APP: variants seen among roughly 807,000 people sequenced by gnomAD.
APP encodes amyloid beta precursor protein.
APP carries 31 observed loss-of-function variants against 101.4 expected under a neutral mutation model. The observed-to-expected ratio is 0.31, with a 90% confidence interval of 0.23 to 0.41. The LOEUF (loss-of-function observed/expected upper bound fraction) is 0.41. Ranked by LOEUF, APP falls within the 10% of genes least tolerant of loss-of-function variation. The pLI, the probability that APP is intolerant of heterozygous loss-of-function variation, is 1.00. For synonymous variants in APP, 366 were observed against 364.4 expected, an observed-to-expected ratio of 1.00 and a Z score of -0.05; for missense variants, 839 against 1,003.7, an observed-to-expected ratio of 0.84 and a Z score of 2.22.
intron 3 of APP, among the ~76,000 whole-genome samples, chr21:26,071,319 G>A (rs972874086): frequency 6.6e-6 from 1 of 152,082 alleles, no homozygotes; most frequent in Non-Finnish European, 1.5e-5. Flanking sequence ...TTCCAGGTCA[G>A]CAATCCAAAG....
intron 10 of APP, among the ~76,000 whole-genome samples, 172 bp downstream of exon 10, chr21:25,975,782 T>C (rs1435660637): frequency 1.3e-5 from 2 of 152,206 alleles, no homozygotes; most frequent in Admixed American, 6.5e-5. Context: ...GGAGCAAATA[T>C]AAGGCAGGAT....
intron 4 of APP, 107 bp downstream of exon 4, chr21:26,053,129 A>T: frequency 2.2e-6 from 2 of 891,248 alleles, no homozygotes. Context: ...TTTTTTCTTA[A>T]ATAACTTATC....
chr21:26,053,527 T>C (rs1393888483), intron 3 of APP, 179 bp from the exon 4 acceptor site: 1 of 542,700 alleles, frequency 1.8e-6, no homozygotes, highest in African/African-American at 1.9e-5. Context: ...AGCAACTCCG[T>C]TTCTTGCCAC....
At position 26,125,276 on chromosome 21, in the gene APP, T is replaced by A; in HGVS notation, c.58-13130A>T. Among the ~76,000 whole-genome samples, 2 of 152,178 alleles carry A rather than the reference T, an allele frequency of 1.3e-5. 1 individual carries two copies. The highest frequency in any genetic ancestry group is 2.9e-5 in the Non-Finnish European group (2 of 68,028). On this transcript the variant is annotated intron_variant, in intron 1 of 17. Coordinates refer to ENST00000346798, the MANE Select transcript of APP (RefSeq NM_000484.4). Reference sequence around the variant, plus strand: ...GGATGCGGGGGCCCCAGGACAACTTTCGTGGGCCTCTTTCTCTCTTAAAAA... The same window carrying A: ...GGATGCGGGGGCCCCAGGACAACTTACGTGGGCCTCTTTCTCTCTTAAAAA...
chr21:26,125,089 G>T lies in APP; in HGVS notation c.58-12943C>A, dbSNP rs564858921. On this transcript the variant is annotated intron_variant, in intron 1 of 17. Coordinates refer to ENST00000346798, the MANE Select transcript of APP (RefSeq NM_000484.4). ...GGAAGGCAGACCAAAGATCAGAGCAGAAAACATGCCCAGGCTGAGTATGGG... is the reference window on the plus strand; with the variant it reads ...GGAAGGCAGACCAAAGATCAGAGCATAAAACATGCCCAGGCTGAGTATGGG... 5.3e-5 allele frequency among the ~76,000 whole-genome samples: 8 copies of T among 152,324 alleles called. No individual in the cohort carries two copies. In the South Asian group the frequency reaches 1.7e-3, roughly 32 times the overall value.
intron 2 of APP, among the ~76,000 whole-genome samples, chr21:26,103,576 G>A (rs1049314802): frequency 2.0e-5 from 3 of 152,112 alleles, no homozygotes; most frequent in African/African-American, 7.2e-5. Context: ...ACTCCAGCCT[G>A]GGCGATGGAG....
intron 17 of APP, 32 bp from the exon 18 acceptor site, chr21:25,881,803 T>TA: frequency 1.3e-6 from 2 of 1,594,988 alleles, no homozygotes; most frequent in Non-Finnish European, 1.7e-6. Flanking sequence ...GAGTAAAAAA[T>TA]AAAAATCAAT....
intron 8 of APP, among the ~76,000 whole-genome samples, chr21:25,989,317 C>A (rs563625325): frequency 2.0e-5 from 3 of 152,130 alleles, no homozygotes; most frequent in Non-Finnish European, 4.4e-5. Flanking sequence ...GTAATCATTG[C>A]GGAGCACTCC....
At chr21:26,078,829 A>C (rs1206821395) in intron 3 of APP, among the ~76,000 whole-genome samples, 1 of 152,156 alleles carries the variant, frequency 6.6e-6, no homozygotes, top group Non-Finnish European at 1.5e-5. Flanking sequence ...GGATCACCTG[A>C]GGTCGGGAGC....
At chr21:26,141,054 A>G (rs560465686) in intron 1 of APP, among the ~76,000 whole-genome samples, 2 of 152,226 alleles carry the variant, frequency 1.3e-5, no homozygotes, top group African/African-American at 4.8e-5. Flanking sequence ...TGGAGTATCT[A>G]TCTCATGGAG....
intron 13 of APP, among the ~76,000 whole-genome samples, chr21:25,918,674 G>A (rs988074524): frequency 2.6e-5 from 4 of 151,706 alleles, no homozygotes; most frequent in African/African-American, 4.8e-5. Flanking sequence ...TTTTCAGACC[G>A]GCTTAAGAAA....
Position 26,021,231 on chromosome 21 carries a change from A to G in APP, c.865+609T>C, listed in dbSNP as rs2044323278. 1.3e-5 allele frequency among the ~76,000 whole-genome samples: 2 copies of G among 151,970 alleles called. 1 individual carries two copies. The highest frequency in any genetic ancestry group is 4.2e-4 in the South Asian group (2 of 4,810). ...CCTGGCTCATTTTTGTATTTTTAGT[A>G]GAGATGGGTTTTCACCATGTTGGCC... On this transcript the variant is annotated intron_variant, in intron 6 of 17. Coordinates refer to ENST00000346798, the MANE Select transcript of APP (RefSeq NM_000484.4).
At chr21:26,108,218 A>C (rs540674051) in intron 2 of APP, among the ~76,000 whole-genome samples, 1 of 152,358 alleles carries the variant, frequency 6.6e-6, no homozygotes, top group South Asian at 2.1e-4. Context: ...AAAAGAAACA[A>C]GTGAAATCAA....
intron 3 of APP, among the ~76,000 whole-genome samples, chr21:26,072,890 A>G (rs2061433104): frequency 6.6e-6 from 1 of 152,232 alleles, no homozygotes; most frequent in South Asian, 2.1e-4. Context: ...GAAAAATGGA[A>G]TAACAGACAT....
intron 1 of APP, among the ~76,000 whole-genome samples, chr21:26,148,989 G>C (rs1199574079): frequency 6.6e-6 from 1 of 152,134 alleles, no homozygotes; most frequent in Non-Finnish European, 1.5e-5. Context: ...TCCTTCACTT[G>C]GGATTGAGAA....
chr21:25,993,050 T>C (rs1010103693), intron 8 of APP, among the ~76,000 whole-genome samples: 16 of 152,072 alleles, frequency 1.1e-4, no homozygotes, highest in Admixed American at 5.2e-4. Context: ...GCATATTCCA[T>C]TGAAAGGCTG....
At chr21:26,116,950 C>T (rs965877127) in intron 1 of APP, among the ~76,000 whole-genome samples, 3 of 152,086 alleles carry the variant, frequency 2.0e-5, no homozygotes, top group African/African-American at 7.2e-5. Context: ...GGCATGATCT[C>T]GGCTCACTGC....
intron 5 of APP, among the ~76,000 whole-genome samples, chr21:26,042,977 C>G (rs924844276): frequency 6.6e-6 from 1 of 152,088 alleles, no homozygotes; most frequent in South Asian, 2.1e-4. Context: ...AGGTTTAGTG[C>G]CCTTCATTAC....
chr21:25,886,292 C>T (rs947392550), intron 17 of APP, among the ~76,000 whole-genome samples: 1 of 152,118 alleles, frequency 6.6e-6, no homozygotes, highest in African/African-American at 2.4e-5. Flanking sequence ...AATTTTGATG[C>T]CATCTCTCTA....
Sources: allele counts gnomAD v4.1 joint callset (sites outside exome capture counted in the v4.1 genomes callset), GRCh38; gene constraint gnomAD v4.1.1; transcripts MANE v1.5; gene names NCBI Gene and HGNC (gene_info 2026-07-23, HGNC 2026-07-21).